The following WARS1 variants were observed in gnomAD, a reference collection of about 807,000 sequenced individuals.
WARS1 encodes tryptophanyl-tRNA synthetase 1, also known as tryptophan--tRNA ligase, cytoplasmic.
WARS1 carries 17 observed loss-of-function variants against 47.8 expected under a neutral mutation model. The observed-to-expected ratio is 0.36, with a 90% CI of 0.24 to 0.53. The LOEUF (loss-of-function observed/expected upper bound fraction) is 0.53. Ranked by LOEUF, WARS1 falls within the 20% of genes least tolerant of loss-of-function variation. The pLI, the probability that WARS1 is intolerant of heterozygous loss-of-function variation, is 0.91. For synonymous variants in WARS1, 208 were observed against 228.1 expected, an observed-to-expected ratio of 0.91 and a Z score of 0.79; for missense variants, 434 against 608.0, an observed-to-expected ratio of 0.71 and a Z score of 3.01.
At chr14:100,370,377 G>T (rs1352993208) in intron 1 of WARS1, 1 of 152,094 alleles carries the variant, frequency 6.6e-6, no homozygotes, top group Admixed American at 6.5e-5. Flanking sequence ...GCTCTTATGA[G>T]AACAAAATGA....
chr14:100,353,674 G>GT lies in WARS1; in HGVS notation c.725+12dup. 1 of 1,612,150 alleles carries GT rather than the reference G, an allele frequency of 6.2e-7. No individual in the cohort carries two copies. The highest frequency in any genetic ancestry group is 8.5e-7 in the Non-Finnish European group (1 of 1,178,908). ...CTACCTATTGAAAAGGCAGCCAGAC[G>GT]TTTTCTCCTTACCCCATGTAGTCCA... On this transcript the variant is annotated intron_variant, in intron 6 of 10. Transcript: ENST00000392882.
chr14:100,360,086 G>T (rs867072151), intron 4 of WARS1, among the ~76,000 whole-genome samples: 1 of 152,126 alleles, frequency 6.6e-6, no homozygotes, highest in African/African-American at 2.4e-5. Context: ...TGGAATTTAC[G>T]GCCTAAGGTA....
At chr14:100,371,532 C>G (rs551761233) in intron 1 of WARS1, among the ~76,000 whole-genome samples, 1 of 148,730 alleles carries the variant, frequency 6.7e-6, no homozygotes, top group South Asian at 2.2e-4. Context: ...GAGGGTGGAT[C>G]AAGACCAGCC....
At chr14:100,343,686 G>C (rs1011579827) in intron 7 of WARS1, among the ~76,000 whole-genome samples, 1 of 151,812 alleles carries the variant, frequency 6.6e-6, no homozygotes, top group Non-Finnish European at 1.5e-5. Flanking sequence ...TGCCAGGCTG[G>C]AGTGTGGTGG....
intron 2 of WARS1, chr14:100,366,133 C>A: frequency 2.2e-6 from 1 of 455,888 alleles, no homozygotes; most frequent in Non-Finnish European, 4.4e-6. Flanking sequence ...GGGCAGTCTG[C>A]ACAGTTGGGG....
intron 6 of WARS1, 31 bp from the exon 7 acceptor site, chr14:100,346,877 C>A (rs762614994): frequency 3.3e-5 from 52 of 1,592,654 alleles, no homozygotes; most frequent in Non-Finnish European, 3.4e-6. Flanking sequence ...AAATCCCAAA[C>A]GGAGGGCGGC....
Position 100,373,129 on chromosome 14 carries a change from C to G in WARS1, c.-74+2154G>C, listed in dbSNP as rs1466894641. Among the ~76,000 whole-genome samples the G allele has an allele frequency of 1.3e-5, 2 of 152,188 alleles. No individual in the cohort carries two copies. Among genetic ancestry groups the G allele is most frequent in the Non-Finnish European group, 2.9e-5 (2 of 68,046 alleles). On this transcript the variant is annotated intron_variant, in intron 1 of 10. Transcript: ENST00000392882. This position sits in a 1 kb window ranked among gnomAD's most constrained non-coding sequence, Gnocchi z 4.4. ...AGCCCTGGGTTTATTCTTCCATGTACCTCTAGTACCTGGCACACAGCTTAT... is the reference window on the plus strand; with the variant it reads ...AGCCCTGGGTTTATTCTTCCATGTAGCTCTAGTACCTGGCACACAGCTTAT...
At chr14:100,345,193 G>A (rs1027582532) in intron 7 of WARS1, among the ~76,000 whole-genome samples, 13 of 150,314 alleles carry the variant, frequency 8.6e-5, no homozygotes, top group African/African-American at 1.9e-4. Flanking sequence ...CATTGAGAAC[G>A]GGCCATGATG....
In WARS1 at chr14:100,352,002, A is replaced by AAG. The variant is rs1555380597; in HGVS notation, c.725+1683_725+1684dup. 3.5e-3 allele frequency among the ~76,000 whole-genome samples: 528 copies of AAG among 150,196 alleles called. 4 individuals are homozygous for AAG. Among genetic ancestry groups the AAG allele is most frequent in the African/African-American group, 0.012 (491 of 40,928 alleles). Reference sequence around the variant, plus strand: ...AGCGAGACTCCGTCTCAAAAAAAAAAAGAAAAAGAAAAAGCTAACAGTTTT... The same window carrying AAG: ...AGCGAGACTCCGTCTCAAAAAAAAAAAGAGAAAAAGAAAAAGCTAACAGTTTT... On this transcript the variant is annotated intron_variant, in intron 6 of 10. Transcript: ENST00000392882.
At chr14:100,336,275 C>CCAA (rs1893724180) in intron 10 of WARS1, among the ~76,000 whole-genome samples, 2 of 113,998 alleles carry the variant, frequency 1.8e-5, no homozygotes, top group Non-Finnish European at 3.5e-5. Context: ...GACTCTGTCT[C>CCAA]AAAAAAAAAA....
chr14:100,361,923 TGA>T lies in WARS1; in HGVS notation c.100-4_100-3del. 2 of 1,613,860 alleles carry T rather than the reference TGA, an allele frequency of 1.2e-6. No individual in the cohort carries two copies. The highest frequency in any genetic ancestry group is 1.7e-6 in the Non-Finnish European group (2 of 1,179,770). ...CTTTACTGCAGAATCAATTTCATCC[TGA>T]GAGAGGAAATAAAAGGGATGGCTAA... On this transcript the variant is annotated splice_region_variant and splice_polypyrimidine_tract_variant and intron_variant, in intron 2 of 10. Transcript: ENST00000392882.
At chr14:100,371,850 G>A (rs1021797339) in intron 1 of WARS1, among the ~76,000 whole-genome samples, 3 of 152,200 alleles carry the variant, frequency 2.0e-5, no homozygotes, top group African/African-American at 7.2e-5. Context: ...AGGAGTTCAA[G>A]AGCAGCTTGG....
chr14:100,365,621 G>T (rs1317330590), intron 2 of WARS1: 2 of 177,038 alleles, frequency 1.1e-5, no homozygotes. Context: ...TCATGGAGAA[G>T]CCGGAGTGGA....
Position 100,354,466 on chromosome 14 carries a change from T to C in WARS1, c.523A>G (p.Ile175Val), listed in dbSNP as rs199806688. The C allele has an allele frequency of 3.4e-5, 55 of 1,613,666 alleles. No homozygotes were observed. The highest frequency in any genetic ancestry group is 4.3e-5 in the Non-Finnish European group (51 of 1,179,926). ...SSEAMHVGHL[I>V]PFIFTKWLQD... Reference sequence around the variant, plus strand: ...ACTTACTTTGTGAAAATAAATGGAATGAGGTGACCTACATGCATTGCTTCA... The same window carrying C: ...ACTTACTTTGTGAAAATAAATGGAACGAGGTGACCTACATGCATTGCTTCA... Residue 175 changes from isoleucine to valine, a missense_variant, in exon 5 of 11, where the codon ATT becomes GTT. Physicochemically the swap from Ile to Val is conservative, Grantham distance 29 (BLOSUM62 3). Coordinates refer to ENST00000392882, the MANE Select transcript of WARS1 (RefSeq NM_004184.4).
intron 4 of WARS1, among the ~76,000 whole-genome samples, chr14:100,358,278 G>A (rs932887030): frequency 3.9e-5 from 6 of 152,018 alleles, no homozygotes; most frequent in East Asian, 1.9e-4. Flanking sequence ...GACTACAGGC[G>A]CCCATCACCA....
At chr14:100,341,766 G>C (rs1314000838) in intron 9 of WARS1, among the ~76,000 whole-genome samples, 1 of 152,232 alleles carries the variant, frequency 6.6e-6, no homozygotes, top group Non-Finnish European at 1.5e-5. Context: ...CTGTCCCGTG[G>C]ATGGACGTTT....
Position 100,361,911 on chromosome 14 carries a change from T to C in WARS1, c.110A>G (p.Asp37Gly). 1 of 1,614,188 alleles carries C rather than the reference T, an allele frequency of 6.2e-7. No homozygotes were observed. The highest frequency in any genetic ancestry group is 8.5e-7 in the Non-Finnish European group (1 of 1,180,026). ...KAGNASKDEIDSAVKMLVSLK... is the reference protein window; with the variant it reads ...KAGNASKDEIGSAVKMLVSLK... Reference sequence around the variant, plus strand: ...TGACACCAACATCTTTACTGCAGAATCAATTTCATCCTGAGAGAGGAAATA... The same window carrying C: ...TGACACCAACATCTTTACTGCAGAACCAATTTCATCCTGAGAGAGGAAATA... Residue 37 changes from aspartate to glycine, a missense_variant, in exon 3 of 11, where the codon GAT (aspartate) becomes GGT (glycine). Asp to Gly is a moderately conservative substitution (Grantham distance 94). Coordinates refer to ENST00000392882, the MANE Select transcript of WARS1 (RefSeq NM_004184.4).
rs1595462844 is a variant in WARS1 at position 100,369,266 on chromosome 14, G to A, written c.-73-8C>T. On this transcript the variant is annotated splice_polypyrimidine_tract_variant and splice_region_variant and intron_variant, in intron 1 of 10. Coordinates refer to ENST00000392882, the MANE Select transcript of WARS1 (RefSeq NM_004184.4). ...TCAGCAGACGAGTCAAGACTGGGGT[G>A]GGGGCGGGGAAGGAGAGAGAGGAAA... The A allele has an allele frequency of 3.9e-6, 3 of 763,364 alleles. 1 individual carries two copies. Among genetic ancestry groups the A allele is most frequent in the Non-Finnish European group, 5.5e-6 (3 of 544,114 alleles). The allele number at this position is 763,364 out of a possible 1,614,324, so 47.3% of individuals were successfully genotyped here. A position where few individuals can be genotyped will look rare whatever the true frequency, so the allele number is the denominator to read the frequency against.
chr14:100,349,943 A>G (rs1260294583), intron 6 of WARS1, among the ~76,000 whole-genome samples: 1 of 152,274 alleles, frequency 6.6e-6, no homozygotes, highest in Non-Finnish European at 1.5e-5. Context: ...TCAAATGTTT[A>G]GAAGAAACTC....
Sources: allele counts gnomAD v4.1 joint callset (sites outside exome capture counted in the v4.1 genomes callset), GRCh38; gene constraint gnomAD v4.1.1; non-coding constraint Gnocchi (gnomAD v3.1); transcripts MANE v1.5; gene names NCBI Gene and HGNC (gene_info 2026-07-23, HGNC 2026-07-21).